Variants in IGF1R observed in about 807,000 individuals in gnomAD.
The protein encoded by IGF1R is insulin like growth factor 1 receptor.
A neutral mutation model predicts 144.6 loss-of-function variants in IGF1R; 44 were observed. The observed-to-expected ratio is 0.30, with a 90% CI of 0.24 to 0.39. IGF1R has a LOEUF of 0.39. Ranked by LOEUF, IGF1R falls within the 10% of genes least tolerant of loss-of-function variation. The probability of loss-of-function intolerance (pLI) is 1.00; values close to 1 mark genes in which losing one functional copy is unlikely to be tolerated. For missense variants in IGF1R, 1,355 were observed against 1,833.7 expected (o/e 0.74, Z 4.77); for synonymous variants, 795 against 722.8 (o/e 1.10, Z -1.60).
At position 98,957,382 on chromosome 15, in the gene IGF1R, C is replaced by T. The variant is rs768476937; in HGVS notation, c.4044C>T (p.His1348=). The change falls in exon 21 of 21, where the codon CAC becomes CAT. Residue 1348 remains histidine, a synonymous_variant. Transcript: ENST00000650285. ...TCGACGAGAGACAGCCTTACGCCCA[C>T]ATGAACGGGGGCCGCAAGAACGAGC... ...ASFDERQPYA[H]MNGGRKNERA... The T allele has an allele frequency of 1.1e-5, 18 of 1,613,380 alleles. 1 individual carries two copies. The Admixed American group carries it at 2.5e-4, about 22-fold the overall frequency.
intron 2 of IGF1R, among the ~76,000 whole-genome samples, chr15:98,734,088 C>T (rs45545437): frequency 0.015 from 2,211 of 152,168 alleles, 39 homozygotes; most frequent in South Asian, 0.069. Flanking sequence ...GAGCGCGCAT[C>T]GTATAAATCA....
chr15:98,658,764 C>T (rs1321138848), intron 1 of IGF1R, among the ~76,000 whole-genome samples: 1 of 152,162 alleles, frequency 6.6e-6, no homozygotes, highest in African/African-American at 2.4e-5. Flanking sequence ...GAGTTCATAA[C>T]CCACGGTTTT....
At chr15:98,777,128 C>T (rs1463772794) in intron 2 of IGF1R, among the ~76,000 whole-genome samples, 1 of 152,126 alleles carries the variant, frequency 6.6e-6, no homozygotes, top group East Asian at 1.9e-4. Flanking sequence ...TGTCAGTTCA[C>T]ATGTGTTGCT....
At chr15:98,656,177 G>T (rs935102728) in intron 1 of IGF1R, among the ~76,000 whole-genome samples, 1 of 152,214 alleles carries the variant, frequency 6.6e-6, no homozygotes, top group African/African-American at 2.4e-5. Flanking sequence ...GTAGTGGGGC[G>T]GCTGGCTAGT....
intron 2 of IGF1R, among the ~76,000 whole-genome samples, chr15:98,806,659 G>GAA (rs2056478055): frequency 1.3e-5 from 2 of 152,206 alleles, no homozygotes; most frequent in Non-Finnish European, 2.9e-5. Context: ...GCCAGGGAGA[G>GAA]ATCCCTTTTT....
At chr15:98,673,281 T>C (rs1485412340) in intron 1 of IGF1R, among the ~76,000 whole-genome samples, 1 of 152,236 alleles carries the variant, frequency 6.6e-6, no homozygotes, top group Non-Finnish European at 1.5e-5. Flanking sequence ...GGTTAATTGA[T>C]GTACTGGTGG....
chr15:98,758,953 T>A (rs1247164355), intron 2 of IGF1R, among the ~76,000 whole-genome samples: 1 of 152,222 alleles, frequency 6.6e-6, no homozygotes, highest in African/African-American at 2.4e-5. Flanking sequence ...CTGAGAGTGG[T>A]GCTGCATCAG....
At position 98,804,366 on chromosome 15, in the gene IGF1R, C is replaced by T. The variant is rs368833341; in HGVS notation, c.641-86959C>T. ...AATCTTCCACTTCTGAATAACGTTA[C>T]AAGTAACCCGCGTTTGGAGGACTGA... On this transcript the variant is annotated intron_variant, in intron 2 of 20. Coordinates refer to ENST00000650285, the MANE Select transcript of IGF1R (RefSeq NM_000875.5). 2.3e-3 allele frequency among the ~76,000 whole-genome samples: 343 copies of T among 152,308 alleles called. 1 individual carries two copies. Among genetic ancestry groups the T allele is most frequent in the African/African-American group, 7.9e-3 (328 of 41,550 alleles).
intron 8 of IGF1R, among the ~76,000 whole-genome samples, chr15:98,913,534 G>A (rs2015115679): frequency 1.3e-5 from 2 of 152,240 alleles, no homozygotes; most frequent in South Asian, 4.2e-4. Flanking sequence ...CAGGGTGCTG[G>A]GCTGGTTTCA....
rs780371813 is a variant in IGF1R at position 98,960,614 on chromosome 15, G to C, written c.*3172G>C. 8.6e-6 allele frequency: 2 copies of C among 233,586 alleles called. No individual in the cohort carries two copies. Among genetic ancestry groups the C allele is most frequent in the East Asian group, 6.0e-5 (1 of 16,594 alleles). 14.5% of individuals were successfully genotyped at this position (233,586 alleles called of 1,614,324 possible). On this transcript the variant is annotated 3_prime_UTR_variant, in exon 21 of 21. Coordinates refer to ENST00000650285, the MANE Select transcript of IGF1R (RefSeq NM_000875.5). ...TTGCTGCTGCTCCATCCCTGCAGGA[G>C]GCTCGCGCTGAGGCAGGACCGTGCG...
rs1317706878 is a variant in IGF1R at position 98,943,010 on chromosome 15, A to G, written c.3545A>G (p.Glu1182Gly). The G allele has an allele frequency of 6.2e-7, 1 of 1,614,152 alleles. No individual in the cohort carries two copies. The highest frequency in any genetic ancestry group is 2.2e-5 in the East Asian group (1 of 44,882). The change falls in exon 19 of 21, where the codon GAG becomes GGG. Residue 1182 changes from glutamate to glycine, a missense_variant. Coordinates refer to ENST00000650285, the MANE Select transcript of IGF1R (RefSeq NM_000875.5). ...GLLPVRWMSP[E>G]SLKDGVFTTY... is the part of the protein sequence containing the mutation. ...CTGCCCGTGCGCTGGATGTCTCCTGAGTCCCTCAAGGATGGAGTCTTCACC... is the reference window on the plus strand; with the variant it reads ...CTGCCCGTGCGCTGGATGTCTCCTGGGTCCCTCAAGGATGGAGTCTTCACC...
At chr15:98,689,234 C>CTTTTTTT (rs890361771) in intron 1 of IGF1R, among the ~76,000 whole-genome samples, 3 of 100,922 alleles carry the variant, frequency 3.0e-5, no homozygotes, top group African/African-American at 3.9e-5. Context: ...AGTTGCACTA[C>CTTTTTTT]TTTTTTTTTT....
chr15:98,766,787 A>G (rs924314740), intron 2 of IGF1R, among the ~76,000 whole-genome samples: 11 of 152,220 alleles, frequency 7.2e-5, no homozygotes, highest in African/African-American at 2.7e-4. Context: ...CTGTTTTGTC[A>G]TGATCATCTT....
At chr15:98,839,440 T>A (rs2011138969) in intron 2 of IGF1R, among the ~76,000 whole-genome samples, 1 of 152,152 alleles carries the variant, frequency 6.6e-6, no homozygotes, top group Non-Finnish European at 1.5e-5. Context: ...TCACACTGGG[T>A]GGTTCAGATG....
intron 2 of IGF1R, among the ~76,000 whole-genome samples, chr15:98,801,193 C>T (rs1385431743): frequency 6.6e-6 from 1 of 152,178 alleles, no homozygotes; most frequent in Admixed American, 6.5e-5. Flanking sequence ...TGAGCCTGAG[C>T]ACTTGTTAGG....
chr15:98,811,878 G>C (rs932520690), intron 2 of IGF1R, among the ~76,000 whole-genome samples: 10 of 151,014 alleles, frequency 6.6e-5, no homozygotes, highest in African/African-American at 2.2e-4. Context: ...GTGAGAGATC[G>C]CGCCACTGCA....
chr15:98,896,679 A>T (rs1275171419), intron 3 of IGF1R, 78 bp from the exon 4 acceptor site: 1 of 1,419,582 alleles, frequency 7.0e-7, no homozygotes, highest in Non-Finnish European at 9.8e-7. Flanking sequence ...AATGAAAAGC[A>T]TATCCTTATG....
In IGF1R at chr15:98,673,737, G is replaced by A. The variant is rs563880816; in HGVS notation, c.94+24062G>A. Among the ~76,000 whole-genome samples, 3 of 152,278 alleles carry A rather than the reference G, an allele frequency of 2.0e-5. No homozygotes were observed. In the South Asian group the frequency reaches 6.2e-4, roughly 32 times the overall value. On this transcript the variant is annotated intron_variant, in intron 1 of 20. Transcript: ENST00000650285. ...CTCTTGGGAGCTGGGTGCTCTGAAT[G>A]AGCAGATGGGCATCTGCTTTTTTAA...
At chr15:98,850,686 A>G (rs532848745) in intron 2 of IGF1R, among the ~76,000 whole-genome samples, 61 of 152,276 alleles carry the variant, frequency 4.0e-4, no homozygotes, top group Non-Finnish European at 2.9e-4. Context: ...AGCATACGTT[A>G]CAAGTAACTG....
Sources: gnomAD v4.1 joint callset for allele counts (sites outside exome capture counted in the v4.1 genomes callset) on GRCh38, gnomAD v4.1.1 for gene constraint, MANE v1.5 for transcripts, NCBI Gene and HGNC (gene_info 2026-07-23, HGNC 2026-07-21) for gene names.